The following P2RX5 variants were observed in gnomAD, a reference collection of about 807,000 sequenced individuals.
P2RX5 encodes purinergic receptor P2X 5.
Under a neutral mutation model 54.1 loss-of-function variants are expected in P2RX5, and 46 were observed. The ratio of observed to expected loss-of-function variants is 0.85; its 90% CI spans 0.67 to 1.09. The LOEUF (loss-of-function observed/expected upper bound fraction) is 1.09, where lower values mean the gene tolerates loss of function less well. P2RX5 is among the 50% of genes least tolerant of loss of function. The pLI is 0.00. For synonymous variants in P2RX5, 226 were observed against 226.4 expected, an observed-to-expected ratio of 1.00 and a Z score of 0.02; for missense variants, 566 against 549.8, an observed-to-expected ratio of 1.03 and a Z score of -0.29.
intron 10 of P2RX5, among the ~76,000 whole-genome samples, 192 bp downstream of exon 10, chr17:3,681,704 C>T (rs1484915603): frequency 6.6e-6 from 1 of 152,218 alleles, no homozygotes; most frequent in Non-Finnish European, 1.5e-5. Context: ...GCCCACAGCG[C>T]CCTCTCCTCC....
At chr17:3,684,094 C>T (rs532240212) in intron 9 of P2RX5, among the ~76,000 whole-genome samples, 7 of 152,016 alleles carry the variant, frequency 4.6e-5, no homozygotes, top group South Asian at 2.1e-4. Context: ...AGACTCAGGA[C>T]GCCTTTCCCT....
In P2RX5 at chr17:3,682,229, C is replaced by T. The variant is rs1179515049; in HGVS notation, c.982-251G>A. 4.7e-5 allele frequency: 25 copies of T among 528,238 alleles called. No homozygotes were observed. The East Asian group carries it at 6.8e-4, about 14-fold the overall frequency. 32.7% of individuals were successfully genotyped at this position (528,238 alleles called of 1,614,324 possible). A position where few individuals can be genotyped will look rare whatever the true frequency, so the allele number is the denominator to read the frequency against. On this transcript the variant is annotated intron_variant, in intron 9 of 11. Coordinates refer to ENST00000225328, the MANE Select transcript of P2RX5 (RefSeq NM_002561.4). Reference sequence around the variant, plus strand: ...AGGCACTCCCCGACCCCGCACCACCCGGACCCCATCCAATCGTTCCTTCAA... The same window carrying T: ...AGGCACTCCCCGACCCCGCACCACCTGGACCCCATCCAATCGTTCCTTCAA...
At chr17:3,680,818 T>C (rs1435667796) in intron 10 of P2RX5, among the ~76,000 whole-genome samples, 1 of 119,354 alleles carries the variant, frequency 8.4e-6, no homozygotes, top group East Asian at 2.7e-4. Context: ...TCCTCCACCC[T>C]GCATCCTCCA....
At chr17:3,700,167 A>G (rs1436831627), upstream of P2RX5, among the ~76,000 whole-genome samples, 1 of 152,144 alleles carries the variant, frequency 6.6e-6, no homozygotes, top group Non-Finnish European at 1.5e-5. Context: ...CACCACCCTC[A>G]CAAGCACATG....
At chr17:3,677,575 G>A (rs1277606861) in intron 11 of P2RX5, 1 of 985,318 alleles carries the variant, frequency 1.0e-6, no homozygotes, top group Non-Finnish European at 1.2e-6. Context: ...TCTCGGCAGG[G>A]ATTTCGGAAA....
chr17:3,713,282 C>T, the P2RX5 span, among the ~76,000 whole-genome samples: 1 of 151,776 alleles, frequency 6.6e-6, no homozygotes, highest in Non-Finnish European at 1.5e-5. Flanking sequence ...ACGGCTTGAA[C>T]CCAAAAGTTC....
chr17:3,723,640 C>A, the P2RX5 span: 162 of 1,518,064 alleles, frequency 1.1e-4, no homozygotes, highest in African/African-American at 2.0e-3. Flanking sequence ...TCGTTACCCG[C>A]TTCAGGCCCT....
At chr17:3,723,580 C>G in the P2RX5 span, 2 of 1,246,178 alleles carry the variant, frequency 1.6e-6, no homozygotes, top group East Asian at 5.1e-5. Context: ...CCTGGCAGCC[C>G]CCGGCACTGG....
chr17:3,701,884 T>G, the P2RX5 span, among the ~76,000 whole-genome samples: 5 of 151,286 alleles, frequency 3.3e-5, no homozygotes, highest in Non-Finnish European at 7.4e-5. Context: ...GCCTCCCAAA[T>G]AGCTGGGACT....
At chr17:3,714,732 T>G in the P2RX5 span, 1 of 601,600 alleles carries the variant, frequency 1.7e-6, no homozygotes, top group Non-Finnish European at 2.9e-6. Context: ...AAACTAATAT[T>G]CTACCAACAG....
At position 3,679,771 on chromosome 17, in the gene P2RX5, T is replaced by C. The variant is rs776160186; in HGVS notation, c.1078A>G (p.Ser360Gly). ...KYEEVRGLED[S>G]SQEAEDEASG... ...GCCTCGTCCTCGGCCTCCTGGGAACTGTCTTCTAGGCCCCTGGACAAGATA... is the reference window on the plus strand; with the variant it reads ...GCCTCGTCCTCGGCCTCCTGGGAACCGTCTTCTAGGCCCCTGGACAAGATA... Residue 360 changes from serine (S) to glycine (G), a missense_variant, in exon 11 of 12, where the codon AGT becomes GGT. Coordinates refer to ENST00000225328, the MANE Select transcript of P2RX5 (RefSeq NM_002561.4). The C allele has an allele frequency of 4.3e-6, 7 of 1,610,448 alleles. No individual in the cohort carries two copies.
chr17:3,713,604 G>C, the P2RX5 span, among the ~76,000 whole-genome samples: 1 of 151,148 alleles, frequency 6.6e-6, no homozygotes, highest in African/African-American at 2.4e-5. Context: ...TACAAAATTA[G>C]CTGGGCGTGG....
the P2RX5 span, chr17:3,722,610 T>A: frequency 6.6e-6 from 1 of 152,432 alleles, no homozygotes; most frequent in African/African-American, 2.4e-5. Context: ...GCCAGAATAA[T>A]GCTGTACTGG....
chr17:3,719,803 C>A, the P2RX5 span, among the ~76,000 whole-genome samples: 3 of 151,566 alleles, frequency 2.0e-5, no homozygotes, highest in South Asian at 6.3e-4. Context: ...TCTCGGCTCA[C>A]TGCAACCTCT....
Position 3,682,028 on chromosome 17 carries a change from G to C in P2RX5, c.982-50C>G, listed in dbSNP as rs756635660. 2.3e-6 allele frequency: 3 copies of C among 1,290,754 alleles called. No individual in the cohort carries two copies. In the South Asian group the frequency reaches 3.6e-5, roughly 15 times the overall value. 80.0% of individuals were successfully genotyped at this position (1,290,754 alleles called of 1,614,324 possible). On this transcript the variant is annotated intron_variant, in intron 9 of 11. Transcript: ENST00000225328. ...AGAATCCTAGACCTCTGAGAGCACT[G>C]TTCATTTAGGGCACTTTGCCCCTTC...
rs759406648 is a variant in P2RX5 at position 3,689,509 on chromosome 17, G to C, written c.736C>G (p.Gln246Glu). 7 of 1,614,016 alleles carry C rather than the reference G, an allele frequency of 4.3e-6. No homozygotes were observed. The African/African-American group carries it at 9.3e-5, about 22-fold the overall frequency. The change falls in exon 7 of 12, where the codon CAG (glutamine) becomes GAG (glutamate). Residue 246 changes from glutamine (Q) to glutamate (E), a missense_variant. Transcript: ENST00000225328. ...CCACCCACCTCCAGGGCTATATCCT[G>C]GAAGTCGCTCCCGGCCCAGCGGATC... ...SVIRWAGSDF[Q>E]DIALEGGVIG...
intron 9 of P2RX5, chr17:3,682,373 G>A (rs1447514742): frequency 1.4e-5 from 5 of 346,618 alleles, no homozygotes; most frequent in East Asian, 7.4e-5. Flanking sequence ...TGTCGATGAC[G>A]ACCCACATAG....
chr17:3,719,938 C>A, the P2RX5 span, among the ~76,000 whole-genome samples: 5 of 152,106 alleles, frequency 3.3e-5, no homozygotes, highest in African/African-American at 9.7e-5. Context: ...GTTGGCCAGG[C>A]TTGTGTTGAA....
chr17:3,699,905 GGAAGGAAGGAAGGAAAGAAAGAAAGAAA>G (rs1320149851), upstream of P2RX5, among the ~76,000 whole-genome samples: 2 of 35,428 alleles, frequency 5.6e-5, no homozygotes, highest in African/African-American at 1.2e-4. Context: ...AAGGAAGGAA[GGAAGGAAGGAAGGAAAGAAAGAAAGAAA>G]GAAAGAAAGA....
Sources: allele counts gnomAD v4.1 joint callset (sites outside exome capture counted in the v4.1 genomes callset), GRCh38; gene constraint gnomAD v4.1.1; transcripts MANE v1.5; gene names NCBI Gene and HGNC (gene_info 2026-07-23, HGNC 2026-07-21).